FCSK: variants seen among roughly 807,000 people sequenced by gnomAD.
The protein encoded by FCSK is L-fucose kinase.
A neutral mutation model predicts 122.5 loss-of-function variants in FCSK; 123 were observed. That is an observed-to-expected ratio of 1.00 (90% confidence interval 0.87 to 1.17). The LOEUF (loss-of-function observed/expected upper bound fraction) is 1.17. FCSK is among the 50% of genes most tolerant of loss of function. FCSK has a pLI of 0.00. For missense variants in FCSK, 1,366 were observed against 1,450.4 expected (o/e 0.94, Z 0.95); for synonymous variants, 620 against 625.5 (o/e 0.99, Z 0.13).
At chr16:70,471,479 G>A (rs549991866) in intron 13 of FCSK, 127 bp downstream of exon 13, 33 of 958,438 alleles carry the variant, frequency 3.4e-5, no homozygotes, top group Non-Finnish European at 3.9e-5. Flanking sequence ...GAGGAGGGTC[G>A]GATGTAGGGA....
At position 70,474,997 on chromosome 16, in the gene FCSK, A is replaced by G. The variant is rs781092085; in HGVS notation, c.2363A>G (p.Gln788Arg). The G allele has an allele frequency of 6.2e-7, 1 of 1,603,632 alleles. No homozygotes were observed. The highest frequency in any genetic ancestry group is 2.3e-5 in the East Asian group (1 of 44,310). The change falls in exon 18 of 24, where the codon CAG (glutamine) becomes CGG (arginine). Residue 788 changes from glutamine (Q) to arginine (R), a missense_variant. Transcript: ENST00000288078. ...RCLADLRDYC[Q>R]PHAPGALLKA... is the part of the protein sequence containing the mutation. ...CTGGCTGACCTGCGGGACTACTGCC[A>G]GCCTCATGCCCCAGGTCAGGCACCC... is the stretch of plus-strand genomic sequence containing the variant.
chr16:70,466,799 C>A, intron 5 of FCSK, 83 bp from the exon 6 acceptor site: 1 of 1,288,976 alleles, frequency 7.8e-7, no homozygotes, highest in Non-Finnish European at 1.1e-6. Flanking sequence ...GTTACTTCAA[C>A]AGCACAGTAT....
chr16:70,478,729 T>C, intron 22 of FCSK, 79 bp downstream of exon 22: 1 of 1,190,674 alleles, frequency 8.4e-7, no homozygotes, highest in Non-Finnish European at 1.2e-6. Flanking sequence ...CAGGGTCATC[T>C]GCAGGCTTGG....
chr16:70,455,464 G>A (rs1305742105), intron 1 of FCSK, among the ~76,000 whole-genome samples: 1 of 150,944 alleles, frequency 6.6e-6, no homozygotes, highest in Non-Finnish European at 1.5e-5. Flanking sequence ...CACCCTGGGC[G>A]ACAGAGCGAG....
intron 20 of FCSK, 44 bp downstream of exon 20, chr16:70,475,811 C>A: frequency 6.6e-7 from 1 of 1,512,250 alleles, no homozygotes; most frequent in Non-Finnish European, 8.8e-7. Flanking sequence ...TGACACTTTC[C>A]CAAGGGCCCG....
At position 70,470,589 on chromosome 16, in the gene FCSK, T is replaced by G. The variant is rs2048581923; in HGVS notation, c.1068+163T>G. The stretch of plus-strand genomic sequence containing the variant: ...GGAGGCTCAGAGAGGCTAAGTAACT[T>G]GCCTAAGGCCACAGAGCCAGTAAGT... On this transcript the variant is annotated intron_variant, in intron 11 of 23. Coordinates refer to ENST00000288078, the MANE Select transcript of FCSK (RefSeq NM_145059.3). Among the ~76,000 whole-genome samples, 2 of 152,228 alleles carry G rather than the reference T, an allele frequency of 1.3e-5. 1 individual carries two copies. Among genetic ancestry groups the G allele is most frequent in the South Asian group, 4.1e-4 (2 of 4,834 alleles).
intron 2 of FCSK, 40 bp downstream of exon 2, chr16:70,463,312 C>T: frequency 6.5e-7 from 1 of 1,534,730 alleles, no homozygotes; most frequent in Non-Finnish European, 9.0e-7. Context: ...TAATGGAGAA[C>T]CTCCCTCCCC....
intron 14 of FCSK, 116 bp downstream of exon 14, chr16:70,472,721 G>T: frequency 1.1e-6 from 1 of 929,308 alleles, no homozygotes. Context: ...CCATCCAGGG[G>T]CCTGGGTGGT....
chr16:70,474,647 CTGGGCAG>C lies in FCSK; in HGVS notation c.2113_2119del (p.Gln705TrpfsTer65). ...ACAGAGCAGGTGGAACTGCCGGGACCTGGGCAGTGGGTGGTGGCTGAGTGCCCGGCCC... is the reference window on the plus strand; with the variant it reads ...ACAGAGCAGGTGGAACTGCCGGGACCTGGGTGGTGGCTGAGTGCCCGGCCC... On this transcript the variant is annotated frameshift_variant, in exon 17 of 24. Transcript: ENST00000288078. LOFTEE classifies it high-confidence loss of function. 1 of 1,598,960 alleles carries C rather than the reference CTGGGCAG, an allele frequency of 6.3e-7. No homozygotes were observed. Among genetic ancestry groups the C allele is most frequent in the Non-Finnish European group, 8.5e-7 (1 of 1,173,246 alleles).
At position 70,471,091 on chromosome 16, in the gene FCSK, G is replaced by C; in HGVS notation, c.1170+19G>C. On this transcript the variant is annotated intron_variant, in intron 12 of 23. Coordinates refer to ENST00000288078, the MANE Select transcript of FCSK (RefSeq NM_145059.3). ...CCTGCAGGTGAGGCCTGAGCGTGTG[G>C]GCAGATTGGGGCGAGGGTGCTGGCA... 6.3e-7 allele frequency: 1 copy of C among 1,592,478 alleles called. No homozygotes were observed. The highest frequency in any genetic ancestry group is 8.5e-7 in the Non-Finnish European group (1 of 1,172,094).
At chr16:70,469,054 G>A (rs2048523377) in intron 9 of FCSK, 86 bp downstream of exon 9, 1 of 1,606,600 alleles carries the variant, frequency 6.2e-7, no homozygotes, top group East Asian at 2.2e-5. Flanking sequence ...CCTCTCTGGG[G>A]CAGAGTCTCC....
intron 7 of FCSK, 174 bp from the exon 8 acceptor site, chr16:70,467,712 G>T: frequency 1.5e-6 from 1 of 653,524 alleles, no homozygotes; most frequent in Non-Finnish European, 2.7e-6. Context: ...TTTAAAGCCT[G>T]CCCTCTGCCA....
At chr16:70,478,515 G>T (rs768886007) in intron 21 of FCSK, 36 bp from the exon 22 acceptor site, 9 of 1,613,436 alleles carry the variant, frequency 5.6e-6, no homozygotes, top group East Asian at 2.2e-5. Context: ...AGCTGGGCCT[G>T]GGTCCTCACC....
At chr16:70,457,840 G>A (rs17885948) in intron 1 of FCSK, 6,165 of 150,130 alleles carry the variant, frequency 0.041, 444 homozygotes, top group African/African-American at 0.14. Context: ...CAAGCCATCC[G>A]CCTGTCTTGG....
chr16:70,459,547 A>G (rs1185241139), intron 1 of FCSK, among the ~76,000 whole-genome samples: 2 of 152,142 alleles, frequency 1.3e-5, no homozygotes, highest in South Asian at 2.1e-4. Context: ...CAGAAAGAAA[A>G]AAAGGTAATA....
At chr16:70,475,077 A>C in intron 18 of FCSK, 66 bp downstream of exon 18, 1 of 1,428,774 alleles carries the variant, frequency 7.0e-7, no homozygotes, top group Non-Finnish European at 9.5e-7. Flanking sequence ...GAAGCTAGAG[A>C]CTGCAGGCCA....
intron 3 of FCSK, 45 bp from the exon 4 acceptor site, chr16:70,465,079 GGC>G (rs1193738049): frequency 1.9e-6 from 3 of 1,609,470 alleles, no homozygotes; most frequent in Middle Eastern, 1.6e-4. Context: ...CATCCTCCAG[GGC>G]GTCTGCCTGA....
chr16:70,469,858 T>G (rs1410444509), intron 10 of FCSK, among the ~76,000 whole-genome samples: 1 of 148,798 alleles, frequency 6.7e-6, no homozygotes. Flanking sequence ...TCTTTTTTTT[T>G]TTTTGAGACA....
At chr16:70,463,814 T>G in intron 3 of FCSK, 40 bp downstream of exon 3, 1 of 1,562,080 alleles carries the variant, frequency 6.4e-7, no homozygotes, top group Non-Finnish European at 8.7e-7. Flanking sequence ...TCTGTGTCCC[T>G]GCTGGAACCA....
Sources: allele counts gnomAD v4.1 joint callset (sites outside exome capture counted in the v4.1 genomes callset), GRCh38; gene constraint gnomAD v4.1.1; transcripts MANE v1.5; gene names NCBI Gene and HGNC (gene_info 2026-07-23, HGNC 2026-07-21).